CCBE1: variants seen among roughly 807,000 people sequenced by gnomAD.
CCBE1 encodes collagen and calcium-binding EGF domain-containing protein 1.
CCBE1 carries 37 observed loss-of-function variants against 50.0 expected under a neutral mutation model. The observed-to-expected ratio is 0.74, with a 90% CI of 0.57 to 0.97. The LOEUF (loss-of-function observed/expected upper bound fraction) is 0.97, where lower values mean the gene tolerates loss of function less well. Ranked by LOEUF, CCBE1 falls within the 50% of genes least tolerant of loss-of-function variation. The pLI is 0.00. For missense variants in CCBE1, 538 were observed against 523.8 expected, an observed-to-expected ratio of 1.03 and a Z score of -0.26; for synonymous variants, 234 against 203.7, an observed-to-expected ratio of 1.15 and a Z score of -1.27.
At chr18:59,566,876 G>T (rs993768) in intron 2 of CCBE1, among the ~76,000 whole-genome samples, 86,536 of 151,582 alleles carry the variant, frequency 0.57, 26,537 homozygotes, top group African/African-American at 0.8. Context: ...TAAAGCCTCA[G>T]AAGACATTGT....
At chr18:59,576,193 G>C (rs1473019902) in intron 2 of CCBE1, among the ~76,000 whole-genome samples, 1 of 152,192 alleles carries the variant, frequency 6.6e-6, no homozygotes, top group African/African-American at 2.4e-5. Context: ...CTTGTTTCCA[G>C]GTTTTGGAGG....
chr18:59,603,393 C>G (rs1285693642), intron 2 of CCBE1, among the ~76,000 whole-genome samples: 2 of 152,170 alleles, frequency 1.3e-5, no homozygotes, highest in African/African-American at 4.8e-5. Context: ...CTAAAACAAT[C>G]ACTCACCTCT....
intron 2 of CCBE1, among the ~76,000 whole-genome samples, chr18:59,517,331 G>A (rs1232864787): frequency 2.6e-5 from 4 of 152,180 alleles, no homozygotes; most frequent in Non-Finnish European, 5.9e-5. Flanking sequence ...TGGCATTCCT[G>A]GAATATTCTA....
intron 2 of CCBE1, among the ~76,000 whole-genome samples, chr18:59,575,757 G>T (rs1287080147): frequency 6.6e-6 from 1 of 152,166 alleles, no homozygotes; most frequent in Non-Finnish European, 1.5e-5. Context: ...GTAATCATCT[G>T]GAAGACTGGT....
At chr18:59,603,758 T>G (rs2053461812) in intron 2 of CCBE1, among the ~76,000 whole-genome samples, 1 of 152,202 alleles carries the variant, frequency 6.6e-6, no homozygotes, top group African/African-American at 2.4e-5. Context: ...CAGTACCTCT[T>G]ATCCTTTTTA....
At chr18:59,546,191 C>G (rs1915675435) in intron 2 of CCBE1, among the ~76,000 whole-genome samples, 1 of 152,128 alleles carries the variant, frequency 6.6e-6, no homozygotes, top group South Asian at 2.1e-4. Flanking sequence ...TGAAAATAGC[C>G]TTTCGTTTTC....
chr18:59,644,022 T>C (rs948193309), intron 2 of CCBE1, among the ~76,000 whole-genome samples: 10 of 152,138 alleles, frequency 6.6e-5, no homozygotes, highest in African/African-American at 2.4e-4. Context: ...GTCCCCAACC[T>C]TTTTGGTACC....
At chr18:59,697,660 C>T (rs2054831979), upstream of CCBE1, 1 of 340,140 alleles carries the variant, frequency 2.9e-6, no homozygotes, top group Admixed American at 4.7e-5. Flanking sequence ...ACTTGCTGGA[C>T]TCGGCTTGGG....
chr18:59,602,627 C>T (rs192463494), intron 2 of CCBE1, among the ~76,000 whole-genome samples: 7 of 152,132 alleles, frequency 4.6e-5, no homozygotes, highest in South Asian at 4.2e-4. Flanking sequence ...TCCTCTGAGT[C>T]CTGAGCTGGA....
chr18:59,479,764 G>T (rs1453532281), intron 3 of CCBE1, among the ~76,000 whole-genome samples: 1 of 152,208 alleles, frequency 6.6e-6, no homozygotes, highest in Non-Finnish European at 1.5e-5. Context: ...CTCTATCTGA[G>T]TGCTGGGTTG....
intron 2 of CCBE1, among the ~76,000 whole-genome samples, chr18:59,636,480 A>C (rs1057382779): frequency 2.6e-5 from 4 of 152,234 alleles, no homozygotes; most frequent in African/African-American, 9.6e-5. Context: ...CTTTTATCCA[A>C]GGCCTTAAGA....
At position 59,454,743 on chromosome 18, in the gene CCBE1, G is replaced by A. The variant is rs1041222067; in HGVS notation, c.654+108C>T. 20 of 983,664 alleles carry A rather than the reference G, an allele frequency of 2.0e-5. 1 individual carries two copies. The highest frequency in any genetic ancestry group is 8.1e-5 in the South Asian group (6 of 74,294). 60.9% of individuals were successfully genotyped at this position (983,664 alleles called of 1,614,324 possible). On this transcript the variant is annotated intron_variant, in intron 6 of 10. Transcript: ENST00000439986. The stretch of plus-strand genomic sequence containing the variant: ...TGCAAACCTCACTGGCATCAACTGC[G>A]TGAATGCTCAATGTGGATATTTTCT...
In CCBE1 at chr18:59,447,901, T is replaced by C. The variant is rs3809990; in HGVS notation, c.775+82A>G. On this transcript the variant is annotated intron_variant, in intron 7 of 10. Transcript: ENST00000439986. ...TCTCCTCGATGGAAGCTGGAGAACA[T>C]TGTCCAGGCCCCAGCAAATGTGAGC... 0.69 allele frequency: 1,099,061 copies of C among 1,599,810 alleles called. 378,446 individuals carry two copies. Among genetic ancestry groups the C allele is most frequent in the South Asian group, 0.78 (70,292 of 90,346 alleles).
At chr18:59,661,102 C>CA (rs1320024984) in intron 2 of CCBE1, among the ~76,000 whole-genome samples, 5 of 152,222 alleles carry the variant, frequency 3.3e-5, no homozygotes, top group African/African-American at 1.2e-4. Flanking sequence ...AACATACTTC[C>CA]ACTGTGGAAT....
intron 2 of CCBE1, among the ~76,000 whole-genome samples, chr18:59,501,465 C>T (rs1568173850): frequency 1.3e-5 from 2 of 152,158 alleles, no homozygotes; most frequent in Non-Finnish European, 2.9e-5. Flanking sequence ...GAGTCACTAA[C>T]AACCTGACAA....
chr18:59,590,286 T>C (rs1313071851), intron 2 of CCBE1, among the ~76,000 whole-genome samples: 11 of 152,086 alleles, frequency 7.2e-5, no homozygotes, highest in Admixed American at 1.3e-4. Context: ...TAAAGAAGCA[T>C]ATAAAATATA....
At chr18:59,564,245 A>G (rs919781278) in intron 2 of CCBE1, among the ~76,000 whole-genome samples, 4 of 152,268 alleles carry the variant, frequency 2.6e-5, no homozygotes, top group Non-Finnish European at 5.9e-5. Context: ...AGAAATGCAT[A>G]AAGAATGAAG....
chr18:59,436,076 C>T lies in CCBE1; in HGVS notation c.1053G>A (p.Glu351=), dbSNP rs1910142617. 1.9e-6 allele frequency: 3 copies of T among 1,614,102 alleles called. No individual in the cohort carries two copies. Among genetic ancestry groups the T allele is most frequent in the African/African-American group, 2.7e-5 (2 of 74,932 alleles). The change falls in exon 11 of 11, where the codon GAG becomes GAA. Residue 351 remains glutamate, a synonymous_variant. Transcript: ENST00000439986. ...GGTGCCCGAACACCTTTTCCTGCAG[C>T]TCAGTGATGTCATTGCGGATGTCAG... is the stretch of plus-strand genomic sequence containing the variant. The part of the protein sequence containing the change: ...MLADIRNDIT[E]LQEKVFGHRT...
intron 5 of CCBE1, among the ~76,000 whole-genome samples, chr18:59,463,558 C>T (rs529243589): frequency 3.3e-4 from 51 of 152,328 alleles, no homozygotes; most frequent in African/African-American, 1.2e-3. Context: ...ATAAACTCAG[C>T]ATTTAAAATC....
Sources: allele counts gnomAD v4.1 joint callset (sites outside exome capture counted in the v4.1 genomes callset), GRCh38; gene constraint gnomAD v4.1.1; transcripts MANE v1.5; gene names NCBI Gene and HGNC (gene_info 2026-07-23, HGNC 2026-07-21).